GALNTL6: variants seen among roughly 807,000 people sequenced by gnomAD.
GALNTL6 encodes the protein polypeptide N-acetylgalactosaminyltransferase like 6.
In GALNTL6, 46 loss-of-function variants were observed where a neutral mutation model predicts 73.7. The ratio of observed to expected loss-of-function variants is 0.62; its 90% CI spans 0.49 to 0.80. The LOEUF (loss-of-function observed/expected upper bound fraction) is 0.80. GALNTL6 is among the 30% of genes least tolerant of loss of function. The pLI is 0.00. For synonymous variants in GALNTL6, 259 were observed against 263.7 expected (o/e 0.98, Z 0.17); for missense variants, 604 against 755.0 (o/e 0.80, Z 2.34).
chr4:172,280,046 A>C (rs1447684660), intron 3 of GALNTL6, among the ~76,000 whole-genome samples: 3 of 152,202 alleles, frequency 2.0e-5, no homozygotes. Flanking sequence ...TCACAAAAAC[A>C]GAAAGCAGAA....
chr4:172,145,415 T>C (rs1197616080), intron 2 of GALNTL6, among the ~76,000 whole-genome samples: 1 of 152,090 alleles, frequency 6.6e-6, no homozygotes, highest in Non-Finnish European at 1.5e-5. Context: ...GCTGGGATTA[T>C]AGGCGTGTAT....
intron 5 of GALNTL6, among the ~76,000 whole-genome samples, chr4:172,366,271 T>C (rs1484019): frequency 0.55 from 83,882 of 152,062 alleles, 26,625 homozygotes; most frequent in South Asian, 0.72. Flanking sequence ...TAGTTTCCCA[T>C]CTTTGTATTT....
chr4:172,436,886 A>C (rs779884323), intron 5 of GALNTL6, among the ~76,000 whole-genome samples: 1 of 151,988 alleles, frequency 6.6e-6, no homozygotes, highest in South Asian at 2.1e-4. Context: ...GGTGACTTTT[A>C]TTTGGTGGAT....
At chr4:172,930,027 A>G (rs1443750418) in intron 8 of GALNTL6, among the ~76,000 whole-genome samples, 1 of 152,200 alleles carries the variant, frequency 6.6e-6, no homozygotes, top group African/African-American at 2.4e-5. Context: ...CTGTAATCCC[A>G]ACACTTTAGG....
intron 2 of GALNTL6, among the ~76,000 whole-genome samples, chr4:172,182,597 C>A (rs769659737): frequency 7.0e-6 from 1 of 141,966 alleles, no homozygotes; most frequent in African/African-American, 2.6e-5. Context: ...GCTGCATAGA[C>A]AGGATATTCC....
chr4:172,361,083 AAATG>A (rs1316205987), intron 5 of GALNTL6, among the ~76,000 whole-genome samples: 11 of 152,196 alleles, frequency 7.2e-5, no homozygotes, highest in African/African-American at 2.7e-4. Context: ...AGGGTACAGC[AAATG>A]AATGAATGAT....
chr4:172,183,143 ATTATT>A (rs1211020177), intron 2 of GALNTL6, among the ~76,000 whole-genome samples: 7 of 152,198 alleles, frequency 4.6e-5, no homozygotes, highest in African/African-American at 1.7e-4. Context: ...TATTCTAAAA[ATTATT>A]TTATTCAATC....
Position 173,013,391 on chromosome 4 carries a change from A to G in GALNTL6, c.1488+4097A>G, listed in dbSNP as rs139268908. Among the ~76,000 whole-genome samples the G allele has an allele frequency of 2.6e-3, 391 of 152,334 alleles. 4 individuals are homozygous for G. The highest frequency in any genetic ancestry group is 0.024 in the Middle Eastern group (7 of 294). On this transcript the variant is annotated intron_variant, in intron 11 of 12. Coordinates refer to ENST00000506823, the MANE Select transcript of GALNTL6 (RefSeq NM_001034845.3). ...CATGGCCAGCTGGTGAATATAAAGC[A>G]GGCCTTAATGTCTGAACTGGGCTTA...
chr4:171,922,149 C>T (rs2030987201), intron 2 of GALNTL6, among the ~76,000 whole-genome samples: 1 of 151,782 alleles, frequency 6.6e-6, no homozygotes, highest in Non-Finnish European at 1.5e-5. Flanking sequence ...TTTATTCACA[C>T]TGGTTTTTCT....
At chr4:172,034,903 A>G (rs1741888064) in intron 2 of GALNTL6, among the ~76,000 whole-genome samples, 2 of 152,158 alleles carry the variant, frequency 1.3e-5, no homozygotes, top group African/African-American at 2.4e-5. Flanking sequence ...AAGAGTTGCA[A>G]ATAAATTTGT....
intron 5 of GALNTL6, among the ~76,000 whole-genome samples, chr4:172,460,483 C>T (rs1316891602): frequency 6.6e-6 from 1 of 152,106 alleles, no homozygotes; most frequent in African/African-American, 2.4e-5. Context: ...TGACAAAGGG[C>T]TAATATCCAG....
chr4:172,617,419 GA>G (rs1738782251), intron 5 of GALNTL6, among the ~76,000 whole-genome samples: 1 of 144,110 alleles, frequency 6.9e-6, no homozygotes, highest in Non-Finnish European at 1.5e-5. Context: ...AAAAAAAAAA[GA>G]AGAAAAGAAA....
At chr4:172,491,743 A>C (rs1008788592) in intron 5 of GALNTL6, among the ~76,000 whole-genome samples, 4 of 152,128 alleles carry the variant, frequency 2.6e-5, no homozygotes, top group Admixed American at 2.6e-4. Flanking sequence ...CTTTTTAAAA[A>C]TTATCTCTTT....
intron 2 of GALNTL6, among the ~76,000 whole-genome samples, chr4:172,194,864 G>A (rs1735704245): frequency 1.3e-5 from 2 of 152,114 alleles, no homozygotes; most frequent in South Asian, 4.1e-4. Context: ...ACACACCAAT[G>A]ACACTATGAA....
chr4:172,829,901 TCCACAAAGAATG>T (rs1406586073), intron 7 of GALNTL6, among the ~76,000 whole-genome samples: 4 of 152,170 alleles, frequency 2.6e-5, no homozygotes, highest in Non-Finnish European at 5.9e-5. Context: ...GAAATCTAAT[TCCACAAAGAATG>T]CTGAGTCTAA....
chr4:172,198,829 G>A (rs1469634499), intron 2 of GALNTL6, among the ~76,000 whole-genome samples: 1 of 152,114 alleles, frequency 6.6e-6, no homozygotes, highest in African/African-American at 2.4e-5. Flanking sequence ...CTAACGTAGT[G>A]CATGTACTAG....
intron 2 of GALNTL6, among the ~76,000 whole-genome samples, chr4:172,198,290 AT>A (rs887266296): frequency 1.8e-4 from 27 of 152,022 alleles, no homozygotes; most frequent in Non-Finnish European, 3.5e-4. Flanking sequence ...AAAAAAAAAA[AT>A]AAAACAAAAA....
intron 2 of GALNTL6, among the ~76,000 whole-genome samples, chr4:172,073,721 A>G (rs1344792568): frequency 6.6e-6 from 1 of 152,244 alleles, no homozygotes; most frequent in Non-Finnish European, 1.5e-5. Context: ...CATTGCCTGA[A>G]GCTAGAGACA....
chr4:172,384,873 G>A (rs557062558), intron 5 of GALNTL6, among the ~76,000 whole-genome samples: 1 of 152,062 alleles, frequency 6.6e-6, no homozygotes, highest in South Asian at 2.1e-4. Context: ...CAGCCTCTGA[G>A]TAACTGAAAT....
Sources: gnomAD v4.1 joint callset for allele counts (sites outside exome capture counted in the v4.1 genomes callset) on GRCh38, gnomAD v4.1.1 for gene constraint, MANE v1.5 for transcripts, NCBI Gene and HGNC (gene_info 2026-07-23, HGNC 2026-07-21) for gene names.